PICALM: variants seen among roughly 807,000 people sequenced by gnomAD.
PICALM encodes phosphatidylinositol binding clathrin assembly protein.
Under a neutral mutation model 80.5 loss-of-function variants are expected in PICALM, and 40 were observed. The observed-to-expected ratio is 0.50, with a 90% confidence interval of 0.39 to 0.65. The LOEUF (loss-of-function observed/expected upper bound fraction) is 0.65. PICALM is among the 30% of genes least tolerant of loss of function. The pLI is 0.00. For synonymous variants in PICALM, 288 were observed against 260.3 expected, an observed-to-expected ratio of 1.11 and a Z score of -1.02; for missense variants, 676 against 778.9, an observed-to-expected ratio of 0.87 and a Z score of 1.57.
intron 19 of PICALM, among the ~76,000 whole-genome samples, chr11:85,970,105 A>G (rs1349256107): frequency 6.6e-6 from 1 of 152,232 alleles, no homozygotes; most frequent in Non-Finnish European, 1.5e-5. Flanking sequence ...GCACTGTTCT[A>G]GGAACTAGGG....
chr11:85,976,547 A>G (rs1043597787), intron 18 of PICALM, 76 bp downstream of exon 18: 1 of 898,896 alleles, frequency 1.1e-6, no homozygotes, highest in Non-Finnish European at 1.9e-6. Flanking sequence ...ATTCTTTTTT[A>G]GGTTAAATTG....
At chr11:85,980,497 C>A (rs2094409954) in intron 17 of PICALM, among the ~76,000 whole-genome samples, 1 of 152,140 alleles carries the variant, frequency 6.6e-6, no homozygotes, top group Admixed American at 6.5e-5. Flanking sequence ...TTCACTAATT[C>A]AGTGTTTGGG....
At chr11:86,046,882 C>G (rs1036631634) in intron 1 of PICALM, among the ~76,000 whole-genome samples, 11 of 152,184 alleles carry the variant, frequency 7.2e-5, no homozygotes, top group African/African-American at 2.7e-4. Flanking sequence ...AAGTGATCCT[C>G]CCACTTTGGC....
intron 1 of PICALM, among the ~76,000 whole-genome samples, chr11:86,032,712 A>T (rs1166706014): frequency 2.6e-5 from 4 of 152,210 alleles, no homozygotes; most frequent in African/African-American, 7.2e-5. Flanking sequence ...AATATATATA[A>T]AATGTAATGT....
chr11:85,973,279 C>T (rs1020018770), intron 19 of PICALM, among the ~76,000 whole-genome samples: 1 of 152,148 alleles, frequency 6.6e-6, no homozygotes, highest in Non-Finnish European at 1.5e-5. Flanking sequence ...TTATTCAAAA[C>T]GGCTGAGAAA....
At position 86,068,786 on chromosome 11, in the gene PICALM, C is replaced by A; in HGVS notation, c.-6G>T. The A allele has an allele frequency of 6.2e-7, 1 of 1,602,108 alleles. No homozygotes were observed. ...GTCAGGCTCTGGCCGGACATCTCTG[C>A]AGCTCCTCCACCACCCCACCCGCTC... is the stretch of plus-strand genomic sequence containing the variant. On this transcript the variant is annotated 5_prime_UTR_variant, in exon 1 of 20. Coordinates refer to ENST00000393346, the MANE Select transcript of PICALM (RefSeq NM_007166.4).
At chr11:85,969,338 T>C (rs1053603819) in intron 19 of PICALM, among the ~76,000 whole-genome samples, 6 of 152,156 alleles carry the variant, frequency 3.9e-5, no homozygotes, top group African/African-American at 1.4e-4. Flanking sequence ...GTAACAGCTC[T>C]CAAAACAAAC....
chr11:86,014,314 C>G (rs528181215), intron 5 of PICALM, among the ~76,000 whole-genome samples: 13 of 152,018 alleles, frequency 8.6e-5, no homozygotes, highest in Non-Finnish European at 1.8e-4. Context: ...AGATAGATGA[C>G]AAAAAAACAG....
At chr11:86,025,307 G>A (rs1191002607) in intron 3 of PICALM, among the ~76,000 whole-genome samples, 1 of 151,964 alleles carries the variant, frequency 6.6e-6, no homozygotes, top group Non-Finnish European at 1.5e-5. Flanking sequence ...GGCTGAGGCA[G>A]GAGAATCGCT....
At chr11:85,964,733 T>C (rs1220236820) in intron 19 of PICALM, among the ~76,000 whole-genome samples, 1 of 152,346 alleles carries the variant, frequency 6.6e-6, no homozygotes, top group Non-Finnish European at 1.5e-5. Context: ...CAGTCACTTG[T>C]GCATCTGTAT....
intron 1 of PICALM, among the ~76,000 whole-genome samples, chr11:86,041,643 C>T (rs1017465965): frequency 1.3e-5 from 2 of 152,036 alleles, no homozygotes; most frequent in African/African-American, 4.8e-5. Flanking sequence ...ATGGCTGAAC[C>T]CAAGCCAAAT....
chr11:85,995,009 T>G (rs2094915017), intron 12 of PICALM, among the ~76,000 whole-genome samples: 1 of 152,208 alleles, frequency 6.6e-6, no homozygotes, highest in Admixed American at 6.5e-5. Context: ...TGGCCTTATA[T>G]GAGATTTCTT....
At chr11:86,027,406 C>T (rs2095665808) in intron 2 of PICALM, among the ~76,000 whole-genome samples, 1 of 151,844 alleles carries the variant, frequency 6.6e-6, no homozygotes, top group Admixed American at 6.6e-5. Flanking sequence ...AACTTCGCTT[C>T]TTAGGATTAC....
At chr11:85,989,511 G>C (rs2094694162) in intron 13 of PICALM, among the ~76,000 whole-genome samples, 1 of 152,068 alleles carries the variant, frequency 6.6e-6, no homozygotes, top group Non-Finnish European at 1.5e-5. Flanking sequence ...ATCATCTTTG[G>C]GGCTGAGGGG....
intron 8 of PICALM, among the ~76,000 whole-genome samples, chr11:86,006,390 G>A (rs2095277491): frequency 6.6e-6 from 1 of 152,216 alleles, no homozygotes; most frequent in Non-Finnish European, 1.5e-5. Flanking sequence ...GTTCACGCCT[G>A]TAATCCCAAC....
chr11:86,044,039 A>G, intron 1 of PICALM, among the ~76,000 whole-genome samples: 1 of 152,210 alleles, frequency 6.6e-6, no homozygotes, highest in South Asian at 2.1e-4. Context: ...TCTAGTATTA[A>G]CTGCATACTA....
intron 1 of PICALM, among the ~76,000 whole-genome samples, chr11:86,059,614 T>G (rs1304725942): frequency 2.0e-5 from 3 of 152,102 alleles, no homozygotes. Flanking sequence ...CCTTTCTCTT[T>G]AGCAGGGCAT....
At chr11:86,006,225 C>T (rs535578318) in intron 8 of PICALM, among the ~76,000 whole-genome samples, 1 of 152,292 alleles carries the variant, frequency 6.6e-6, no homozygotes, top group South Asian at 2.1e-4. Context: ...TGGACATATA[C>T]AGGATTCTTT....
chr11:86,013,415 T>C (rs2095431198), intron 5 of PICALM, among the ~76,000 whole-genome samples: 1 of 152,182 alleles, frequency 6.6e-6, no homozygotes, highest in Non-Finnish European at 1.5e-5. Flanking sequence ...AAAATTTAAA[T>C]GTTTATATTA....
Sources: allele counts gnomAD v4.1 joint callset (sites outside exome capture counted in the v4.1 genomes callset), GRCh38; gene constraint gnomAD v4.1.1; transcripts MANE v1.5; gene names NCBI Gene and HGNC (gene_info 2026-07-23, HGNC 2026-07-21).